ZFP1: variants seen among roughly 807,000 people sequenced by gnomAD.
ZFP1 encodes ZFP1 zinc finger protein.
Under a neutral mutation model 38.5 loss-of-function variants are expected in ZFP1, and 32 were observed. The observed-to-expected ratio is 0.83, with a 90% CI of 0.63 to 1.12. The LOEUF (loss-of-function observed/expected upper bound fraction) is 1.12. Among genes scored for constraint, ZFP1 ranks in the 50% most tolerant of loss-of-function variants. The pLI is 0.00. For synonymous variants in ZFP1, 245 were observed against 168.8 expected (o/e 1.45, Z -3.50); for missense variants, 616 against 480.8 (o/e 1.28, Z -2.63).
the ZFP1 span, among the ~76,000 whole-genome samples, chr16:75,135,012 C>T: frequency 6.6e-6 from 1 of 151,474 alleles, no homozygotes; most frequent in Non-Finnish European, 1.5e-5. Flanking sequence ...TGAGATCGTG[C>T]CATTGCACTT....
intron 2 of ZFP1, among the ~76,000 whole-genome samples, chr16:75,161,894 C>T (rs1249273038): frequency 6.9e-6 from 1 of 145,896 alleles, no homozygotes; most frequent in Non-Finnish European, 1.5e-5. Context: ...AAGCGATTCC[C>T]CTGCCTCAGC....
the ZFP1 span, among the ~76,000 whole-genome samples, chr16:75,142,908 G>C: frequency 6.6e-6 from 1 of 152,124 alleles, no homozygotes; most frequent in South Asian, 2.1e-4. Flanking sequence ...CACCATATTG[G>C]CCAGGCTGAT....
the ZFP1 span, among the ~76,000 whole-genome samples, chr16:75,141,834 T>A: frequency 4.7e-5 from 7 of 149,804 alleles, no homozygotes; most frequent in Non-Finnish European, 1.0e-4. Context: ...GTGGATCATT[T>A]GAGGTCAGGA....
At position 75,166,820 on chromosome 16, in the gene ZFP1, G is replaced by GGAA; in HGVS notation, c.67_69dup (p.Glu23dup). 1.2e-6 allele frequency: 2 copies of GGAA among 1,614,140 alleles called. No individual in the cohort carries two copies. The highest frequency in any genetic ancestry group is 1.7e-6 in the Non-Finnish European group (2 of 1,180,024). On this transcript the variant is annotated inframe_insertion, in exon 3 of 4. Transcript: ENST00000570010. ...CTGTGGACTTTACCCAGGAGGAATG[G>GGAA]GAACAACTGGACCCCTCTCAGAGGA...
At chr16:75,124,100 A>T in the ZFP1 span, among the ~76,000 whole-genome samples, 2 of 151,940 alleles carry the variant, frequency 1.3e-5, no homozygotes, top group Non-Finnish European at 2.9e-5. Flanking sequence ...TCTCAAAAAA[A>T]GTAAAATACA....
At chr16:75,158,338 T>C (rs1114513) in intron 2 of ZFP1, among the ~76,000 whole-genome samples, 140,743 of 149,610 alleles carry the variant, frequency 0.94, 66,296 homozygotes, top group African/African-American at 0.98. Context: ...CTGTCTATTT[T>C]TTTTTTTTTT....
At position 75,169,428 on chromosome 16, in the gene ZFP1, T is replaced by C. The variant is rs1193887634; in HGVS notation, c.318T>C (p.Tyr106=). 6.2e-7 allele frequency: 1 copy of C among 1,613,008 alleles called. No homozygotes were observed. Among genetic ancestry groups the C allele is most frequent in the Non-Finnish European group, 8.5e-7 (1 of 1,179,770 alleles). The stretch of plus-strand genomic sequence containing the variant: ...CTTTAAGACAAGTACCTTATAAATA[T>C]GACTTATATGAAAAAACTTTGAAAT... ...FVSLRQVPYK[Y]DLYEKTLKYN... is the part of the protein sequence containing the mutation. The change falls in exon 4 of 4, where the codon TAT becomes TAC. Residue 106 remains tyrosine, a synonymous_variant. Coordinates refer to ENST00000570010, the MANE Select transcript of ZFP1 (RefSeq NM_153688.4).
At chr16:75,148,042 C>T (rs1325910961), upstream of ZFP1, among the ~76,000 whole-genome samples, 1 of 152,072 alleles carries the variant, frequency 6.6e-6, no homozygotes, top group Non-Finnish European at 1.5e-5. Flanking sequence ...ATATATACCT[C>T]AACAAAGTGG....
At chr16:75,148,121 C>G (rs1236959205), upstream of ZFP1, among the ~76,000 whole-genome samples, 2 of 152,058 alleles carry the variant, frequency 1.3e-5, no homozygotes, top group African/African-American at 4.8e-5. Context: ...GTAACAACAA[C>G]AAAAAAATCA....
intron 1 of ZFP1, chr16:75,148,949 A>C (rs1449888663): frequency 6.6e-6 from 1 of 151,154 alleles, no homozygotes; most frequent in African/African-American, 2.4e-5. Context: ...CGCGGGAGCG[A>C]GTTCTGGAGC....
chr16:75,148,689 G>A (rs2145484514), intron 1 of ZFP1, 46 bp downstream of exon 1: 1 of 152,398 alleles, frequency 6.6e-6, no homozygotes, highest in African/African-American at 2.4e-5. Flanking sequence ...TGGGGCCGAG[G>A]GGAAGGAGAT....
At chr16:75,160,083 T>TAC (rs2037687763) in intron 2 of ZFP1, among the ~76,000 whole-genome samples, 1 of 152,224 alleles carries the variant, frequency 6.6e-6, no homozygotes, top group Admixed American at 6.5e-5. Context: ...GCCCTCCACC[T>TAC]ACACATATTA....
chr16:75,142,362 T>TA, the ZFP1 span, among the ~76,000 whole-genome samples: 1,714 of 136,222 alleles, frequency 0.013, 30 homozygotes, highest in African/African-American at 0.032. Flanking sequence ...CAAGACTTCC[T>TA]AAAAAAAAAA....
rs1186196576 is a variant in ZFP1 at position 75,169,552 on chromosome 16, A to G, written c.442A>G (p.Lys148Glu). Residue 148 changes from lysine (K) to glutamate (E), a missense_variant, in exon 4 of 4, where the codon AAA (lysine) becomes GAA (glutamate). Transcript: ENST00000570010. ...AGCACTTCTCTACCTGAAGCAAGAG[A>G]AAACCCACAGTGGAGTAGAATATTC... is the stretch of plus-strand genomic sequence containing the variant. ...GKALLYLKQEKTHSGVEYSEY... is the reference protein window; with the variant it reads ...GKALLYLKQEETHSGVEYSEY... 2 of 1,612,378 alleles carry G rather than the reference A, an allele frequency of 1.2e-6. No homozygotes were observed. The highest frequency in any genetic ancestry group is 1.7e-6 in the Non-Finnish European group (2 of 1,179,652).
the ZFP1 span, among the ~76,000 whole-genome samples, chr16:75,123,435 G>A: frequency 1.2e-3 from 10 of 8,486 alleles, no homozygotes; most frequent in South Asian, 0.034. Context: ...AAGAATGTGT[G>A]TGTGTGTGTG....
At chr16:75,120,726 C>G in the ZFP1 span, among the ~76,000 whole-genome samples, 1 of 152,076 alleles carries the variant, frequency 6.6e-6, no homozygotes, top group Admixed American at 6.6e-5. Flanking sequence ...CTCAGCCTCC[C>G]AAGTAGCTGG....
chr16:75,165,540 G>A (rs746009242), intron 2 of ZFP1, among the ~76,000 whole-genome samples: 13 of 151,908 alleles, frequency 8.6e-5, no homozygotes, highest in African/African-American at 1.2e-4. Flanking sequence ...GATTACAGGC[G>A]CCCTCTACCA....
At chr16:75,164,397 T>C (rs1444506263) in intron 2 of ZFP1, among the ~76,000 whole-genome samples, 1 of 152,254 alleles carries the variant, frequency 6.6e-6, no homozygotes, top group Non-Finnish European at 1.5e-5. Flanking sequence ...CCAAACATGG[T>C]ACTTTCTTCC....
intron 2 of ZFP1, 86 bp downstream of exon 2, chr16:75,153,052 G>C: frequency 6.5e-7 from 1 of 1,532,706 alleles, no homozygotes; most frequent in Non-Finnish European, 8.9e-7. Flanking sequence ...AGAAAAGTAT[G>C]AATAAGACAC....
Sources: gnomAD v4.1 joint callset for allele counts (sites outside exome capture counted in the v4.1 genomes callset) on GRCh38, gnomAD v4.1.1 for gene constraint, MANE v1.5 for transcripts, NCBI Gene and HGNC (gene_info 2026-07-23, HGNC 2026-07-21) for gene names.